The following PHLPP1 variants were observed in gnomAD, a reference collection of about 807,000 sequenced individuals.
PHLPP1 encodes PH domain leucine-rich repeat-containing protein phosphatase 1.
PHLPP1 carries 42 observed loss-of-function variants against 117.2 expected under a neutral mutation model. The ratio of observed to expected loss-of-function variants is 0.36; its 90% CI spans 0.28 to 0.46. The LOEUF (loss-of-function observed/expected upper bound fraction) is 0.46, where lower values mean the gene tolerates loss of function less well. Among genes scored for constraint, PHLPP1 ranks in the 20% least tolerant of loss-of-function variants. The probability of loss-of-function intolerance (pLI) is 1.00; values close to 1 mark genes in which losing one functional copy is unlikely to be tolerated. For synonymous variants in PHLPP1, 1,042 were observed against 970.7 expected, an observed-to-expected ratio of 1.07 and a Z score of -1.37; for missense variants, 2,084 against 2,241.9, an observed-to-expected ratio of 0.93 and a Z score of 1.42.
chr18:62,959,298 T>TA (rs1253588295), intron 13 of PHLPP1, among the ~76,000 whole-genome samples: 1 of 152,250 alleles, frequency 6.6e-6, no homozygotes, highest in South Asian at 2.1e-4. Flanking sequence ...CAAAGCCATT[T>TA]AAAATTATTT....
intron 10 of PHLPP1, among the ~76,000 whole-genome samples, chr18:62,926,726 A>G (rs558874477): frequency 6.6e-6 from 1 of 152,298 alleles, no homozygotes; most frequent in South Asian, 2.1e-4. Context: ...AAAGCTCCCT[A>G]GAGAATTAGG....
chr18:62,925,701 G>A (rs192085725), intron 10 of PHLPP1, among the ~76,000 whole-genome samples: 7 of 152,204 alleles, frequency 4.6e-5, no homozygotes, highest in East Asian at 1.9e-4. Context: ...CTGATGTATC[G>A]TGAAGTTCTG....
intron 1 of PHLPP1, among the ~76,000 whole-genome samples, chr18:62,816,331 C>T (rs1177420572): frequency 4.6e-5 from 7 of 151,960 alleles, no homozygotes; most frequent in African/African-American, 1.5e-4. Context: ...TTTGGGAGGC[C>T]GAGGTGGGCG....
chr18:62,921,760 A>T (rs1291768075), intron 10 of PHLPP1, among the ~76,000 whole-genome samples: 2 of 152,200 alleles, frequency 1.3e-5, no homozygotes, highest in African/African-American at 4.8e-5. Context: ...AAATCTTACT[A>T]CAAAAATATG....
chr18:62,859,525 G>A lies in PHLPP1; in HGVS notation c.1900-910G>A, dbSNP rs148137987. Among the ~76,000 whole-genome samples, 11 of 152,296 alleles carry A rather than the reference G, an allele frequency of 7.2e-5. No individual in the cohort carries two copies. In the East Asian group the frequency reaches 2.1e-3, roughly 29 times the overall value. On this transcript the variant is annotated intron_variant, in intron 3 of 16. Transcript: ENST00000262719. ...CATTTCACTGAAACTGGGAGAGGCA[G>A]CCTGAAAAGTTTGTAGCAGACAGGC...
chr18:62,821,566 A>G (rs1246076921), intron 1 of PHLPP1, among the ~76,000 whole-genome samples: 25 of 149,906 alleles, frequency 1.7e-4, no homozygotes, highest in African/African-American at 4.6e-4. Flanking sequence ...AAAAAAAAAA[A>G]AAAAAGAAAA....
intron 8 of PHLPP1, among the ~76,000 whole-genome samples, chr18:62,912,872 T>C (rs1916996528): frequency 6.6e-6 from 1 of 152,204 alleles, no homozygotes; most frequent in Admixed American, 6.5e-5. Context: ...CCACCCGCCT[T>C]GGCCTCCCAA....
At chr18:62,846,860 A>G (rs1398243464) in intron 3 of PHLPP1, among the ~76,000 whole-genome samples, 1 of 152,202 alleles carries the variant, frequency 6.6e-6, no homozygotes, top group Non-Finnish European at 1.5e-5. Context: ...CTTTACAGAT[A>G]TAATTATGCT....
intron 16 of PHLPP1, 64 bp downstream of exon 16, chr18:62,975,689 A>C: frequency 9.4e-7 from 1 of 1,058,782 alleles, no homozygotes; most frequent in Non-Finnish European, 1.4e-6. Flanking sequence ...AGGTCATAGC[A>C]GAAACTAGCT....
chr18:62,716,418 G>A lies in PHLPP1; in HGVS notation c.735G>A (p.Val245=), dbSNP rs767009589. The A allele has an allele frequency of 3.9e-5, 57 of 1,471,520 alleles. 1 individual carries two copies. In the South Asian group the frequency reaches 6.9e-4, roughly 18 times the overall value. The allele number at this position is 1,471,520 out of a possible 1,614,324, so 91.2% of individuals were successfully genotyped here. Residue 245 remains valine, a synonymous_variant, in exon 1 of 17, where the codon GTG becomes GTA. Transcript: ENST00000262719. This position sits in a 1 kb window ranked among gnomAD's most constrained non-coding sequence, Gnocchi z 5.7. ...LQLGHKGGGV[V]KVLGQGPGAA... ...TGGGCCACAAAGGCGGCGGCGTGGT[G>A]AAGGTGCTGGGCCAGGGGCCCGGAG... is the stretch of plus-strand genomic sequence containing the variant.
intron 4 of PHLPP1, among the ~76,000 whole-genome samples, chr18:62,876,029 G>A (rs1237770102): frequency 1.3e-5 from 2 of 152,044 alleles, no homozygotes; most frequent in Non-Finnish European, 2.9e-5. Flanking sequence ...CACTGTGCCC[G>A]GCCTGTAGCA....
intron 4 of PHLPP1, among the ~76,000 whole-genome samples, chr18:62,868,621 C>CAAA (rs35943627): frequency 2.5e-4 from 17 of 67,274 alleles, no homozygotes; most frequent in African/African-American, 6.9e-4. Context: ...GACTCTGTCT[C>CAAA]AAAAAAAAAA....
At chr18:62,770,193 C>G (rs1002384152) in intron 1 of PHLPP1, among the ~76,000 whole-genome samples, 1 of 152,148 alleles carries the variant, frequency 6.6e-6, no homozygotes, top group Admixed American at 6.5e-5. Context: ...TCATTGCAAC[C>G]TCCGCCTCCT....
At chr18:62,821,909 C>T (rs1247539111) in intron 1 of PHLPP1, among the ~76,000 whole-genome samples, 2 of 152,098 alleles carry the variant, frequency 1.3e-5, no homozygotes, top group South Asian at 4.2e-4. Context: ...CAGGCGCATG[C>T]CACTATGCCC....
chr18:62,733,222 C>T (rs1911275307), intron 1 of PHLPP1, among the ~76,000 whole-genome samples: 1 of 152,152 alleles, frequency 6.6e-6, no homozygotes, highest in Admixed American at 6.5e-5. Context: ...ACAGCCACTC[C>T]AATCTGCAGC....
intron 2 of PHLPP1, chr18:62,832,110 G>A (rs546577934): frequency 6.6e-6 from 1 of 152,332 alleles, no homozygotes; most frequent in African/African-American, 2.4e-5. Context: ...CTGGGTGTTT[G>A]CATAGGCAAA....
At chr18:62,771,190 G>T (rs1912759051) in intron 1 of PHLPP1, among the ~76,000 whole-genome samples, 1 of 150,320 alleles carries the variant, frequency 6.7e-6, no homozygotes, top group African/African-American at 2.5e-5. Context: ...CTCCAGCCTG[G>T]GCGACAGAGT....
intron 4 of PHLPP1, among the ~76,000 whole-genome samples, chr18:62,890,570 T>G (rs1363355979): frequency 6.6e-6 from 1 of 152,222 alleles, no homozygotes; most frequent in Non-Finnish European, 1.5e-5. Context: ...CAAGCCTTCT[T>G]TTCCATTTAA....
intron 4 of PHLPP1, among the ~76,000 whole-genome samples, chr18:62,881,074 T>C (rs558126313): frequency 1.3e-5 from 2 of 152,214 alleles, no homozygotes; most frequent in Non-Finnish European, 2.9e-5. Flanking sequence ...GTTTGAATTA[T>C]TTTAAAAGAG....
Sources: gnomAD v4.1 joint callset for allele counts (sites outside exome capture counted in the v4.1 genomes callset) on GRCh38, gnomAD v4.1.1 for gene constraint, Gnocchi (gnomAD v3.1) non-coding constraint, MANE v1.5 for transcripts, NCBI Gene and HGNC (gene_info 2026-07-23, HGNC 2026-07-21) for gene names.